Variants in RGS6 observed in about 807,000 individuals in gnomAD.
The protein encoded by RGS6 is regulator of G-protein signaling 6.
A neutral mutation model predicts 78.5 loss-of-function variants in RGS6; 30 were observed. The observed-to-expected ratio is 0.38, with a 90% CI of 0.29 to 0.52. The LOEUF (loss-of-function observed/expected upper bound fraction) is 0.52, where lower values mean the gene tolerates loss of function less well. Among genes scored for constraint, RGS6 ranks in the 20% least tolerant of loss-of-function variants. The pLI, the probability that RGS6 is intolerant of heterozygous loss-of-function variation, is 0.85. For missense variants in RGS6, 495 were observed against 609.7 expected, an observed-to-expected ratio of 0.81 and a Z score of 1.98; for synonymous variants, 206 against 206.0, an observed-to-expected ratio of 1.00 and a Z score of 0.00.
intron 2 of RGS6, among the ~76,000 whole-genome samples, chr14:72,208,542 C>A (rs1048159307): frequency 6.6e-6 from 1 of 152,188 alleles, no homozygotes; most frequent in Admixed American, 6.5e-5. Flanking sequence ...GATCTCTCTG[C>A]TGCATGAGAC....
chr14:71,916,226 T>C, the RGS6 span, among the ~76,000 whole-genome samples: 1 of 152,150 alleles, frequency 6.6e-6, no homozygotes, highest in Non-Finnish European at 1.5e-5. Context: ...CAAAATAGAT[T>C]GAAAACAAAA....
the RGS6 span, among the ~76,000 whole-genome samples, chr14:72,607,709 T>C: frequency 6.6e-6 from 1 of 152,202 alleles, no homozygotes; most frequent in African/African-American, 2.4e-5. Context: ...GTCCCCCTGA[T>C]TGCTGAATTT....
chr14:72,223,230 C>A (rs868733504), intron 2 of RGS6, among the ~76,000 whole-genome samples: 1 of 152,172 alleles, frequency 6.6e-6, no homozygotes, highest in Non-Finnish European at 1.5e-5. Context: ...ATAACACAAC[C>A]TGGCAGCAAT....
intron 9 of RGS6, among the ~76,000 whole-genome samples, chr14:72,474,412 C>G (rs1390059511): frequency 6.6e-6 from 1 of 152,138 alleles, no homozygotes; most frequent in East Asian, 1.9e-4. Flanking sequence ...GTACACTATA[C>G]CCTCTACATA....
chr14:71,962,130 T>C (rs1254484498), intron 1 of RGS6, among the ~76,000 whole-genome samples: 1 of 152,182 alleles, frequency 6.6e-6, no homozygotes, highest in Non-Finnish European at 1.5e-5. Flanking sequence ...AACGAGTTAA[T>C]AGAGGAACCA....
intron 3 of RGS6, among the ~76,000 whole-genome samples, chr14:72,448,952 A>G (rs1208836691): frequency 6.6e-6 from 1 of 152,174 alleles, no homozygotes; most frequent in Non-Finnish European, 1.5e-5. Flanking sequence ...TCAAGATAAC[A>G]TGCGATAACA....
At chr14:72,218,291 T>C (rs2046052155) in intron 2 of RGS6, among the ~76,000 whole-genome samples, 1 of 152,160 alleles carries the variant, frequency 6.6e-6, no homozygotes, top group Non-Finnish European at 1.5e-5. Context: ...AAATTACAGT[T>C]GATTATCATG....
At chr14:72,070,918 G>A (rs149826541) in intron 2 of RGS6, among the ~76,000 whole-genome samples, 5 of 152,268 alleles carry the variant, frequency 3.3e-5, no homozygotes, top group East Asian at 1.9e-4. Flanking sequence ...GTATTTCACC[G>A]TTGAGTGTTA....
intron 2 of RGS6, among the ~76,000 whole-genome samples, chr14:72,038,588 AC>A (rs2153368688): frequency 6.6e-6 from 1 of 152,130 alleles, no homozygotes; most frequent in Admixed American, 6.5e-5. Flanking sequence ...TTTTCAGCAT[AC>A]CCTCTAATTG....
chr14:72,511,431 G>GA (rs1272903107), intron 14 of RGS6, among the ~76,000 whole-genome samples: 1 of 152,260 alleles, frequency 6.6e-6, no homozygotes, highest in African/African-American at 2.4e-5. Flanking sequence ...CAAGCCCTGT[G>GA]AGAGTCTGCT....
At chr14:71,874,306 T>C in the RGS6 span, among the ~76,000 whole-genome samples, 3 of 151,636 alleles carry the variant, frequency 2.0e-5, no homozygotes, top group East Asian at 3.9e-4. Flanking sequence ...TTTGTGTCCT[T>C]TTTTATTTCA....
intron 14 of RGS6, among the ~76,000 whole-genome samples, chr14:72,514,817 G>A (rs2096920543): frequency 6.6e-6 from 1 of 152,166 alleles, no homozygotes; most frequent in East Asian, 1.9e-4. Flanking sequence ...GCTGCCCTTG[G>A]GGAGGAGCGG....
At chr14:72,588,712 A>G in the RGS6 span, among the ~76,000 whole-genome samples, 2 of 152,196 alleles carry the variant, frequency 1.3e-5, no homozygotes, top group Non-Finnish European at 2.9e-5. Flanking sequence ...CTTAGGTAAC[A>G]AAGTTACAGT....
At chr14:72,227,951 C>T (rs2048530112) in intron 2 of RGS6, among the ~76,000 whole-genome samples, 1 of 152,096 alleles carries the variant, frequency 6.6e-6, no homozygotes, top group South Asian at 2.1e-4. Context: ...ATTGGAGAAC[C>T]TGTTCTGTAT....
chr14:72,023,729 GA>G (rs1441485167), intron 2 of RGS6, among the ~76,000 whole-genome samples: 2 of 152,308 alleles, frequency 1.3e-5, no homozygotes, highest in South Asian at 2.1e-4. Context: ...TTCCTCAGGG[GA>G]AAATTGAACA....
intron 2 of RGS6, among the ~76,000 whole-genome samples, chr14:72,184,622 A>C (rs892363094): frequency 9.8e-5 from 15 of 152,314 alleles, no homozygotes; most frequent in Non-Finnish European, 1.3e-4. Context: ...GTTTGAAATA[A>C]AAGGCAGAAG....
rs530418857 is a variant in RGS6 at position 72,224,019 on chromosome 14, T to C, written c.85-128076T>C. The stretch of plus-strand genomic sequence containing the variant: ...GCAAAGACATCAAAACATTTTGTAG[T>C]AAAGTATTGAGAAACCATTCAACTT... On this transcript the variant is annotated intron_variant, in intron 2 of 17. Coordinates refer to ENST00000553525, the MANE Select transcript of RGS6 (RefSeq NM_001204424.2). 7.9e-5 allele frequency among the ~76,000 whole-genome samples: 12 copies of C among 152,342 alleles called. No homozygotes were observed. In the East Asian group the frequency reaches 2.1e-3, roughly 27 times the overall value.
chr14:71,891,399 G>A, the RGS6 span, among the ~76,000 whole-genome samples: 1 of 152,210 alleles, frequency 6.6e-6, no homozygotes, highest in African/African-American at 2.4e-5. Context: ...GGCTGTTGGC[G>A]AGGAGCTCAG....
chr14:72,398,444 T>C (rs2091839011), intron 3 of RGS6, among the ~76,000 whole-genome samples: 1 of 152,204 alleles, frequency 6.6e-6, no homozygotes, highest in Admixed American at 6.5e-5. Flanking sequence ...TTCTCTCTTT[T>C]CTTCTTTATT....
Sources: gnomAD v4.1 joint callset for allele counts (sites outside exome capture counted in the v4.1 genomes callset) on GRCh38, gnomAD v4.1.1 for gene constraint, MANE v1.5 for transcripts, NCBI Gene and HGNC (gene_info 2026-07-23, HGNC 2026-07-21) for gene names.